CDH13: variants seen among roughly 807,000 people sequenced by gnomAD.
The protein encoded by CDH13 is cadherin-13.
In CDH13, 24 loss-of-function variants were observed where a neutral mutation model predicts 63.8. That is an observed-to-expected ratio of 0.38 (90% CI 0.27 to 0.53). The LOEUF (loss-of-function observed/expected upper bound fraction) is 0.53, where lower values mean the gene tolerates loss of function less well. Among genes scored for constraint, CDH13 ranks in the 20% least tolerant of loss-of-function variants. CDH13 has a pLI of 0.85. For synonymous variants in CDH13, 503 were observed against 355.3 expected, an observed-to-expected ratio of 1.42 and a Z score of -4.67; for missense variants, 1,049 against 903.1, an observed-to-expected ratio of 1.16 and a Z score of -2.07.
At chr16:82,772,237 C>G (rs1402347806) in intron 1 of CDH13, among the ~76,000 whole-genome samples, 2 of 152,150 alleles carry the variant, frequency 1.3e-5, no homozygotes, top group African/African-American at 4.8e-5. Context: ...GCTCCCTTCC[C>G]TCCACCCAGA....
At chr16:82,643,176 T>A (rs1392023380) in intron 1 of CDH13, among the ~76,000 whole-genome samples, 1 of 152,204 alleles carries the variant, frequency 6.6e-6, no homozygotes, top group Non-Finnish European at 1.5e-5. Context: ...AACCTGGGAA[T>A]CATATATCTT....
intron 5 of CDH13, among the ~76,000 whole-genome samples, chr16:83,227,251 G>T (rs1253764586): frequency 6.6e-6 from 1 of 152,230 alleles, no homozygotes; most frequent in Non-Finnish European, 1.5e-5. Context: ...TCTGACACCT[G>T]TAGCACTGTG....
chr16:83,175,821 CTTTTT>C (rs762355886), intron 4 of CDH13, among the ~76,000 whole-genome samples: 210 of 90,012 alleles, frequency 2.3e-3, no homozygotes, highest in Middle Eastern at 9.8e-3. Context: ...TTTCAACCTG[CTTTTT>C]TTTTTTTTTT....
intron 1 of CDH13, among the ~76,000 whole-genome samples, chr16:82,714,384 G>A (rs2032196727): frequency 1.3e-5 from 2 of 152,072 alleles, no homozygotes; most frequent in African/African-American, 2.4e-5. Flanking sequence ...GTCATTTTGG[G>A]GAAGAAGCTA....
intron 2 of CDH13, among the ~76,000 whole-genome samples, chr16:82,959,013 C>T (rs1906550372): frequency 6.6e-6 from 1 of 152,228 alleles, no homozygotes; most frequent in African/African-American, 2.4e-5. Flanking sequence ...CTGAAATCTA[C>T]ATCAGACAGT....
At chr16:82,844,878 A>C (rs2039194402) in intron 1 of CDH13, 1 of 151,256 alleles carries the variant, frequency 6.6e-6, no homozygotes, top group African/African-American at 2.4e-5. Flanking sequence ...AATGGTCTTG[A>C]TCTCCTGACT....
At chr16:82,678,029 G>A (rs1462214730) in intron 1 of CDH13, among the ~76,000 whole-genome samples, 1 of 152,130 alleles carries the variant, frequency 6.6e-6, no homozygotes, top group East Asian at 1.9e-4. Flanking sequence ...AGAATAGTAA[G>A]AAGCATTGCA....
intron 6 of CDH13, among the ~76,000 whole-genome samples, chr16:83,481,184 A>C (rs2073752023): frequency 6.6e-6 from 1 of 152,188 alleles, no homozygotes; most frequent in Non-Finnish European, 1.5e-5. Flanking sequence ...TGGAAAGCAC[A>C]CTGTTGCCCT....
chr16:83,222,996 C>A (rs1231483210), intron 5 of CDH13, among the ~76,000 whole-genome samples: 2 of 152,080 alleles, frequency 1.3e-5, no homozygotes, highest in African/African-American at 2.4e-5. Flanking sequence ...ACCACCACCC[C>A]CCACCCACAC....
intron 4 of CDH13, chr16:83,171,544 G>A (rs1404835853): frequency 6.5e-7 from 1 of 1,534,466 alleles, no homozygotes; most frequent in Non-Finnish European, 8.7e-7. Flanking sequence ...CAAGTTCTGT[G>A]CCTAGCACGA....
chr16:82,679,002 T>C (rs192448438), intron 1 of CDH13, among the ~76,000 whole-genome samples: 24 of 152,208 alleles, frequency 1.6e-4, no homozygotes, highest in Non-Finnish European at 2.9e-4. Flanking sequence ...CAGACTCCAG[T>C]TGATCACCGC....
intron 1 of CDH13, among the ~76,000 whole-genome samples, chr16:82,744,974 A>G (rs2034095160): frequency 6.6e-6 from 1 of 152,170 alleles, no homozygotes; most frequent in Admixed American, 6.5e-5. Flanking sequence ...GGTAGCATTG[A>G]CAGAGTCAAT....
chr16:82,950,486 A>G (rs1444823194), intron 2 of CDH13, among the ~76,000 whole-genome samples: 1 of 152,086 alleles, frequency 6.6e-6, no homozygotes, highest in Non-Finnish European at 1.5e-5. Context: ...TGTGGTAGTG[A>G]GTAAGTCTCA....
Position 82,710,107 on chromosome 16 carries a change from ATATAT to A in CDH13, c.45+82976_45+82980del, listed in dbSNP as rs528021196. The stretch of plus-strand genomic sequence containing the variant: ...AATACTTATATGTAAATACATTTAA[ATATAT>A]TATATAGATTTAATATATAATATAT... On this transcript the variant is annotated intron_variant, in intron 1 of 13. Transcript: ENST00000567109. Among the ~76,000 whole-genome samples the A allele has an allele frequency of 7.8e-4, 116 of 148,302 alleles. 3 individuals are homozygous for A. In the South Asian group the frequency reaches 0.02, roughly 25 times the overall value.
chr16:83,377,617 A>C (rs1016808074), intron 6 of CDH13, among the ~76,000 whole-genome samples: 3 of 152,236 alleles, frequency 2.0e-5, no homozygotes, highest in Non-Finnish European at 4.4e-5. Flanking sequence ...GTAAAAATAA[A>C]GCAAAAGTCA....
rs148267604 is a variant in CDH13 at position 83,648,240 on chromosome 16, A to C, written c.1102-22550A>C. On this transcript the variant is annotated intron_variant, in intron 8 of 13. Coordinates refer to ENST00000567109, the MANE Select transcript of CDH13 (RefSeq NM_001257.5). ...TGTCTGGCCGTGTGTTCTCAGAGTC[A>C]CATGTGTATTTTACATGCAAGAACA... Among the ~76,000 whole-genome samples the C allele has an allele frequency of 3.7e-3, 558 of 152,310 alleles. 7 individuals carry two copies. Among genetic ancestry groups the C allele is most frequent in the African/African-American group, 0.013 (536 of 41,562 alleles).
In CDH13 at chr16:83,798,791, G is replaced by C. The variant is rs1425613194; in HGVS notation, c.*3761G>C. ...ACTATGAGGTACCCTTTACTATTAAGTACCTTTTACTAACAGTATCTTCTG... is the reference window on the plus strand; with the variant it reads ...ACTATGAGGTACCCTTTACTATTAACTACCTTTTACTAACAGTATCTTCTG... On this transcript the variant is annotated 3_prime_UTR_variant, in exon 14 of 14. Transcript: ENST00000567109. 6.6e-6 allele frequency: 1 copy of C among 151,778 alleles called. No individual in the cohort carries two copies. Among genetic ancestry groups the C allele is most frequent in the Non-Finnish European group, 1.5e-5 (1 of 67,980 alleles). The allele number at this position is 151,778 out of a possible 1,614,324, so 9.4% of individuals were successfully genotyped here. A position where few individuals can be genotyped will look rare whatever the true frequency, so the allele number is the denominator to read the frequency against.
chr16:83,563,997 C>G (rs1284351118), intron 7 of CDH13, among the ~76,000 whole-genome samples: 1 of 152,104 alleles, frequency 6.6e-6, no homozygotes. Context: ...ACAACCTTAA[C>G]CATTAGTTTC....
At chr16:83,227,968 C>T (rs1372532931) in intron 5 of CDH13, among the ~76,000 whole-genome samples, 1 of 152,042 alleles carries the variant, frequency 6.6e-6, no homozygotes, top group Non-Finnish European at 1.5e-5. Flanking sequence ...GAGTATGTGA[C>T]GATCAGGTGG....
Sources: allele counts gnomAD v4.1 joint callset (sites outside exome capture counted in the v4.1 genomes callset), GRCh38; gene constraint gnomAD v4.1.1; transcripts MANE v1.5; gene names NCBI Gene and HGNC (gene_info 2026-07-23, HGNC 2026-07-21).